JAKMIP2: variants seen among roughly 807,000 people sequenced by gnomAD.
JAKMIP2 encodes the protein janus kinase and microtubule interacting protein 2.
In JAKMIP2, 25 loss-of-function variants were observed where a neutral mutation model predicts 115.0. That is an observed-to-expected ratio of 0.22 (90% CI 0.16 to 0.30). The LOEUF is 0.30. JAKMIP2 is among the 10% of genes least tolerant of loss of function. The pLI, the probability that JAKMIP2 is intolerant of heterozygous loss-of-function variation, is 1.00. For synonymous variants in JAKMIP2, 334 were observed against 343.6 expected, an observed-to-expected ratio of 0.97 and a Z score of 0.31; for missense variants, 642 against 957.6, an observed-to-expected ratio of 0.67 and a Z score of 4.35.
At chr5:147,711,030 G>A (rs1221958254) in intron 1 of JAKMIP2, among the ~76,000 whole-genome samples, 2 of 152,136 alleles carry the variant, frequency 1.3e-5, no homozygotes, top group Non-Finnish European at 2.9e-5. Flanking sequence ...TGTTGAACAG[G>A]TAACATGTTA....
intron 1 of JAKMIP2, among the ~76,000 whole-genome samples, chr5:147,763,610 ATATTT>A (rs1234963932): frequency 6.6e-6 from 1 of 152,084 alleles, no homozygotes; most frequent in Non-Finnish European, 1.5e-5. Flanking sequence ...AATTGGGTAA[ATATTT>A]TAATTTAGAG....
At chr5:147,734,507 G>C (rs1753847209) in intron 1 of JAKMIP2, among the ~76,000 whole-genome samples, 1 of 147,872 alleles carries the variant, frequency 6.8e-6, no homozygotes, top group Non-Finnish European at 1.5e-5. Context: ...TTGGAGGGTG[G>C]GGGGGCTAGG....
chr5:147,617,557 G>C (rs1019515762), intron 19 of JAKMIP2, among the ~76,000 whole-genome samples: 1 of 152,158 alleles, frequency 6.6e-6, no homozygotes, highest in African/African-American at 2.4e-5. Flanking sequence ...TTACGGACTG[G>C]AGTGAGCAAT....
intron 14 of JAKMIP2, among the ~76,000 whole-genome samples, 170 bp downstream of exon 14, chr5:147,631,243 A>G (rs1757334594): frequency 6.6e-6 from 1 of 152,210 alleles, no homozygotes; most frequent in East Asian, 1.9e-4. Flanking sequence ...ACATTAAAAA[A>G]CATTCTGTTA....
intron 1 of JAKMIP2, among the ~76,000 whole-genome samples, chr5:147,732,487 A>G (rs957597376): frequency 3.4e-5 from 5 of 149,018 alleles, no homozygotes; most frequent in African/African-American, 9.7e-5. Context: ...AGATGGCTCT[A>G]TCTCTTGTAA....
chr5:147,639,488 A>G (rs1757779063), intron 10 of JAKMIP2, 144 bp downstream of exon 10: 1 of 896,192 alleles, frequency 1.1e-6, no homozygotes, highest in Admixed American at 2.8e-5. Flanking sequence ...AGGTTTGTTG[A>G]CATAAAAGCT....
intron 16 of JAKMIP2, among the ~76,000 whole-genome samples, chr5:147,625,190 A>G (rs1757038930): frequency 6.6e-6 from 1 of 152,156 alleles, no homozygotes; most frequent in Admixed American, 6.5e-5. Context: ...CGTGTTCCCC[A>G]GGCTGGTCTT....
chr5:147,633,162 A>T (rs923357181), intron 12 of JAKMIP2, among the ~76,000 whole-genome samples: 1 of 152,110 alleles, frequency 6.6e-6, no homozygotes, highest in Non-Finnish European at 1.5e-5. Flanking sequence ...TGTTACAGAA[A>T]TTTTTTTTAA....
intron 3 of JAKMIP2, among the ~76,000 whole-genome samples, chr5:147,653,693 G>A (rs1758526431): frequency 1.3e-5 from 2 of 152,102 alleles, no homozygotes. Context: ...TTCTTTTGCT[G>A]TGCAGAAGCC....
chr5:147,725,617 G>A (rs1753488096), intron 1 of JAKMIP2, among the ~76,000 whole-genome samples: 1 of 152,204 alleles, frequency 6.6e-6, no homozygotes, highest in African/African-American at 2.4e-5. Context: ...GTTAAATGAT[G>A]GTATTGGGTT....
chr5:147,778,317 G>GT (rs781390809), intron 1 of JAKMIP2, among the ~76,000 whole-genome samples: 2 of 151,342 alleles, frequency 1.3e-5, no homozygotes, highest in Non-Finnish European at 3.0e-5. Flanking sequence ...TTTGTTTTTT[G>GT]TTTTTTTGCC....
chr5:147,610,425 C>CT (rs1756253693), intron 20 of JAKMIP2, among the ~76,000 whole-genome samples: 1 of 152,186 alleles, frequency 6.6e-6, no homozygotes, highest in Non-Finnish European at 1.5e-5. Context: ...AGTTTTCCTT[C>CT]TAACAGTCAG....
At chr5:147,637,437 A>ATTTATTTTTTTTTTTTT (rs1757672459) in intron 10 of JAKMIP2, among the ~76,000 whole-genome samples, 1 of 79,340 alleles carries the variant, frequency 1.3e-5, no homozygotes, top group East Asian at 4.4e-4. Flanking sequence ...AATTCTTTTG[A>ATTTATTTTTTTTTTTTT]TTTTTTTTTT....
chr5:147,612,437 C>T (rs749117786), intron 19 of JAKMIP2, 66 bp from the exon 20 acceptor site: 234 of 969,156 alleles, frequency 2.4e-4, no homozygotes, highest in Non-Finnish European at 3.2e-4. Flanking sequence ...AAATAATTTA[C>T]CAAATGAAAA....
intron 1 of JAKMIP2, among the ~76,000 whole-genome samples, chr5:147,777,718 T>A (rs1755613350): frequency 6.6e-6 from 1 of 152,162 alleles, no homozygotes; most frequent in South Asian, 2.1e-4. Flanking sequence ...CCATTTTTAC[T>A]GCAAGCTAAT....
At chr5:147,637,723 C>G (rs549386367) in intron 10 of JAKMIP2, among the ~76,000 whole-genome samples, 29 of 152,142 alleles carry the variant, frequency 1.9e-4, no homozygotes, top group African/African-American at 6.7e-4. Context: ...CCTTTCCATT[C>G]TTTCAGAGCA....
At chr5:147,711,697 C>A (rs542424638) in intron 1 of JAKMIP2, among the ~76,000 whole-genome samples, 1 of 152,302 alleles carries the variant, frequency 6.6e-6, no homozygotes, top group South Asian at 2.1e-4. Context: ...GACAGAATCT[C>A]GCTCTTGTTG....
intron 11 of JAKMIP2, 41 bp from the exon 12 acceptor site, chr5:147,636,325 G>A (rs1353461597): frequency 1.3e-6 from 2 of 1,539,804 alleles, no homozygotes; most frequent in Admixed American, 3.4e-5. Flanking sequence ...ATTTCAGAGT[G>A]GCACGAAAGA....
chr5:147,611,458 G>A (rs10040261), intron 20 of JAKMIP2, among the ~76,000 whole-genome samples: 142,774 of 152,086 alleles, frequency 0.94, 67,540 homozygotes, highest in Non-Finnish European at 1. Flanking sequence ...GACCCCTTGC[G>A]CTTCTTGGGT....
Sources: gnomAD v4.1 joint callset for allele counts (sites outside exome capture counted in the v4.1 genomes callset) on GRCh38, gnomAD v4.1.1 for gene constraint, MANE v1.5 for transcripts, NCBI Gene and HGNC (gene_info 2026-07-23, HGNC 2026-07-21) for gene names.